The following CGNL1 variants were observed in gnomAD, a reference collection of about 807,000 sequenced individuals.
CGNL1 encodes the protein cingulin-like protein 1.
In CGNL1, 132 loss-of-function variants were observed where a neutral mutation model predicts 141.2. That is an observed-to-expected ratio of 0.93 (90% CI 0.81 to 1.08). The LOEUF (loss-of-function observed/expected upper bound fraction) is 1.08. CGNL1 is among the 50% of genes least tolerant of loss of function. The probability of loss-of-function intolerance (pLI) is 0.00; values close to 1 mark genes in which losing one functional copy is unlikely to be tolerated. For missense variants in CGNL1, 1,870 were observed against 1,588.6 expected (o/e 1.18, Z -3.01); for synonymous variants, 690 against 622.1 (o/e 1.11, Z -1.63).
At chr15:57,411,995 A>T (rs1458390492) in intron 1 of CGNL1, among the ~76,000 whole-genome samples, 1 of 152,194 alleles carries the variant, frequency 6.6e-6, no homozygotes, top group Admixed American at 6.5e-5. Flanking sequence ...TCTAGCATTC[A>T]AAGCCCCGCT....
chr15:57,397,561 A>T (rs2152243404), intron 1 of CGNL1, among the ~76,000 whole-genome samples: 1 of 152,310 alleles, frequency 6.6e-6, no homozygotes, highest in South Asian at 2.1e-4. Context: ...AAATTATAAA[A>T]GTAATAGAAT....
chr15:57,505,141 A>G (rs1436686085), intron 8 of CGNL1, among the ~76,000 whole-genome samples: 1 of 152,092 alleles, frequency 6.6e-6, no homozygotes, highest in Non-Finnish European at 1.5e-5. Context: ...AAAAGTCACC[A>G]CACCTCCTTC....
At chr15:57,509,802 T>C (rs1412762670) in intron 8 of CGNL1, among the ~76,000 whole-genome samples, 2 of 152,256 alleles carry the variant, frequency 1.3e-5, no homozygotes, top group African/African-American at 4.8e-5. Flanking sequence ...TTGGAGCATA[T>C]GGCTAAAAGT....
chr15:57,465,498 C>T (rs143802773), intron 8 of CGNL1, among the ~76,000 whole-genome samples: 27 of 146,658 alleles, frequency 1.8e-4, no homozygotes, highest in African/African-American at 6.6e-4. Context: ...TCAAGTGATT[C>T]TCCTGCCCCA....
intron 1 of CGNL1, among the ~76,000 whole-genome samples, chr15:57,388,070 G>A (rs2062502987): frequency 6.6e-6 from 1 of 152,246 alleles, no homozygotes; most frequent in Non-Finnish European, 1.5e-5. Context: ...GGGAAGGGCA[G>A]TTACCCTGCC....
intron 1 of CGNL1, among the ~76,000 whole-genome samples, chr15:57,397,678 C>T (rs554559993): frequency 1.1e-3 from 168 of 152,188 alleles, no homozygotes; most frequent in Middle Eastern, 6.8e-3. Context: ...ATGTTATCCC[C>T]GTGTCCTTTG....
At chr15:57,508,400 T>A (rs898764545) in intron 8 of CGNL1, among the ~76,000 whole-genome samples, 1 of 152,204 alleles carries the variant, frequency 6.6e-6, no homozygotes, top group African/African-American at 2.4e-5. Context: ...AAATGGTAAG[T>A]AGGCAAATCA....
intron 1 of CGNL1, among the ~76,000 whole-genome samples, chr15:57,413,914 C>T (rs1025653938): frequency 1.9e-4 from 29 of 152,194 alleles, no homozygotes; most frequent in African/African-American, 6.3e-4. Context: ...GAGATGCCTC[C>T]AGAGCCCCAT....
At chr15:57,405,236 GC>G (rs1355187458) in intron 1 of CGNL1, 2 of 152,180 alleles carry the variant, frequency 1.3e-5, no homozygotes, top group Admixed American at 6.5e-5. Context: ...GATGATGGCT[GC>G]CTTTTTCACT....
intron 1 of CGNL1, among the ~76,000 whole-genome samples, chr15:57,385,483 C>G (rs1284307840): frequency 1.3e-5 from 2 of 152,202 alleles, no homozygotes; most frequent in African/African-American, 4.8e-5. Flanking sequence ...TGCACTCCAG[C>G]CTGGGTGACA....
intron 8 of CGNL1, among the ~76,000 whole-genome samples, chr15:57,462,232 T>C (rs140597843): frequency 6.6e-6 from 1 of 152,266 alleles, no homozygotes; most frequent in Non-Finnish European, 1.5e-5. Context: ...GCCGAGGGCA[T>C]TGTGTGACCA....
chr15:57,384,268 T>C (rs2062458551), intron 1 of CGNL1, among the ~76,000 whole-genome samples: 1 of 152,078 alleles, frequency 6.6e-6, no homozygotes, highest in South Asian at 2.1e-4. Context: ...GCCAGACACT[T>C]TCCAGGAGAC....
rs1330692585 is a variant in CGNL1, at chr15:57,518,546, A to G, written c.2715+49A>G. 2.4e-6 allele frequency: 3 copies of G among 1,248,590 alleles called. No homozygotes were observed. The East Asian group carries it at 7.4e-5, about 31-fold the overall frequency. The allele number at this position is 1,248,590 out of a possible 1,614,324, so 77.3% of individuals were successfully genotyped here. ...TTACTCCCTCAAGAAGAATGCATAG[A>G]GACGCAACACCAGAGGGATGTGTGG... On this transcript the variant is annotated intron_variant, in intron 10 of 18. Transcript: ENST00000281282.
intron 17 of CGNL1, 61 bp downstream of exon 17, chr15:57,545,761 C>T (rs1232663785): frequency 7.4e-7 from 1 of 1,359,710 alleles, no homozygotes; most frequent in Non-Finnish European, 1.0e-6. Flanking sequence ...GCTGAGGGAG[C>T]AAGGGAGGCA....
chr15:57,420,184 A>G (rs1471355455), intron 1 of CGNL1, among the ~76,000 whole-genome samples: 1 of 152,088 alleles, frequency 6.6e-6, no homozygotes, highest in Non-Finnish European at 1.5e-5. Flanking sequence ...AGAATAAGCC[A>G]TTTATTCAAA....
intron 8 of CGNL1, among the ~76,000 whole-genome samples, chr15:57,463,345 A>G (rs1459752538): frequency 6.6e-6 from 1 of 152,236 alleles, no homozygotes; most frequent in Non-Finnish European, 1.5e-5. Context: ...GATCATCAGT[A>G]GAGACTTATG....
At chr15:57,500,113 A>G (rs746849138) in intron 8 of CGNL1, among the ~76,000 whole-genome samples, 2 of 152,030 alleles carry the variant, frequency 1.3e-5, no homozygotes, top group African/African-American at 2.4e-5. Context: ...GGGAGTGGGA[A>G]TGGGGAGTGA....
intron 1 of CGNL1, among the ~76,000 whole-genome samples, chr15:57,404,745 C>T (rs2062696288): frequency 1.3e-5 from 2 of 152,120 alleles, no homozygotes; most frequent in Admixed American, 1.3e-4. Context: ...TGGAGGAACT[C>T]AAGAGGGGCG....
chr15:57,488,954 G>A (rs1288995345), intron 8 of CGNL1, among the ~76,000 whole-genome samples: 1 of 152,174 alleles, frequency 6.6e-6, no homozygotes, highest in Non-Finnish European at 1.5e-5. Flanking sequence ...AGCAGTAGCT[G>A]TTCAAGGACC....
Sources: allele counts gnomAD v4.1 joint callset (sites outside exome capture counted in the v4.1 genomes callset), GRCh38; gene constraint gnomAD v4.1.1; transcripts MANE v1.5; gene names NCBI Gene and HGNC (gene_info 2026-07-23, HGNC 2026-07-21).